ZNF682: variants seen among roughly 807,000 people sequenced by gnomAD.
The protein encoded by ZNF682 is zinc finger protein 682.
ZNF682 carries 29 observed loss-of-function variants against 36.5 expected under a neutral mutation model. That is an observed-to-expected ratio of 0.80 (90% CI 0.59 to 1.08). The LOEUF is 1.08. Ranked by LOEUF, ZNF682 falls within the 50% of genes least tolerant of loss-of-function variation. ZNF682 has a pLI of 0.00. For missense variants in ZNF682, 561 were observed against 579.7 expected (o/e 0.97, Z 0.33); for synonymous variants, 180 against 197.0 (o/e 0.91, Z 0.72).
intron 3 of ZNF682, among the ~76,000 whole-genome samples, chr19:19,999,316 A>G (rs996840082): frequency 3.9e-5 from 6 of 152,224 alleles, no homozygotes; most frequent in African/African-American, 1.4e-4. Context: ...TTGTCCCCAA[A>G]GTGTTGAAAC....
At chr19:20,020,237 C>T (rs549306971) in intron 3 of ZNF682, among the ~76,000 whole-genome samples, 1 of 152,218 alleles carries the variant, frequency 6.6e-6, no homozygotes, top group East Asian at 1.9e-4. Flanking sequence ...GTGGCTCACA[C>T]CCGTAATACC....
intron 1 of ZNF682, among the ~76,000 whole-genome samples, chr19:20,027,596 C>A (rs2088442414): frequency 6.6e-6 from 1 of 152,118 alleles, no homozygotes; most frequent in Non-Finnish European, 1.5e-5. Flanking sequence ...CTTGTCTCTA[C>A]TAAAAATACA....
chr19:20,032,035 A>G (rs1272026693), intron 1 of ZNF682, among the ~76,000 whole-genome samples: 1 of 152,232 alleles, frequency 6.6e-6, no homozygotes, highest in East Asian at 1.9e-4. Flanking sequence ...TGGCAGTAAC[A>G]AGCAGTTTCA....
At chr19:20,024,207 TC>T (rs1433801654) in intron 2 of ZNF682, 42 bp downstream of exon 2, 4 of 1,609,452 alleles carry the variant, frequency 2.5e-6, no homozygotes, top group East Asian at 2.2e-5. Flanking sequence ...GAAAATAAAA[TC>T]TTTTGTGTGA....
At chr19:20,038,513 C>T (rs2088553955) in intron 1 of ZNF682, among the ~76,000 whole-genome samples, 1 of 151,444 alleles carries the variant, frequency 6.6e-6, no homozygotes, top group African/African-American at 2.4e-5. Flanking sequence ...TTCTGTTTGT[C>T]ACACATTTGG....
In ZNF682 at chr19:20,030,296, G is replaced by A. The variant is rs139386929; in HGVS notation, c.4-5920C>T. On this transcript the variant is annotated intron_variant, in intron 1 of 3. Transcript: ENST00000397165. Reference sequence around the variant, plus strand: ...AGAAATAATAACTATAGGGCTGGGCGCGGTGGCTCATGCCTGTAATCCCAG... The same window carrying A: ...AGAAATAATAACTATAGGGCTGGGCACGGTGGCTCATGCCTGTAATCCCAG... Among the ~76,000 whole-genome samples the A allele has an allele frequency of 1.3e-3, 205 of 152,260 alleles. 1 individual carries two copies. Among genetic ancestry groups the A allele is most frequent in the Non-Finnish European group, 2.2e-3 (153 of 68,028 alleles).
At chr19:20,022,908 T>C (rs2088398377) in intron 3 of ZNF682, 96 bp downstream of exon 3, 4 of 1,017,626 alleles carry the variant, frequency 3.9e-6, no homozygotes, top group Non-Finnish European at 6.0e-6. Flanking sequence ...ATCATCTCCA[T>C]TGGAGCAGAG....
At chr19:20,022,658 T>C (rs2088395963) in intron 3 of ZNF682, among the ~76,000 whole-genome samples, 1 of 151,258 alleles carries the variant, frequency 6.6e-6, no homozygotes, top group East Asian at 1.9e-4. Flanking sequence ...AGCGAAACTC[T>C]CTCTCTCAAA....
At chr19:20,027,502 G>C (rs1475063621) in intron 1 of ZNF682, among the ~76,000 whole-genome samples, 1 of 152,216 alleles carries the variant, frequency 6.6e-6, no homozygotes, top group Non-Finnish European at 1.5e-5. Flanking sequence ...GCTCATGCCT[G>C]TAATCCCAAC....
chr19:20,029,328 C>A (rs184711759), intron 1 of ZNF682, among the ~76,000 whole-genome samples: 156 of 150,826 alleles, frequency 1.0e-3, no homozygotes, highest in Admixed American at 3.4e-3. Context: ...AGGCCAGGCA[C>A]GGTGGCTCAT....
chr19:20,006,744 C>G lies in ZNF682; in HGVS notation c.758G>C (p.Gly253Ala). Residue 253 changes from glycine (G) to alanine (A), a missense_variant, in exon 4 of 4, where the codon GGT becomes GCT. Gly to Ala is a moderately conservative substitution (Grantham distance 60). Coordinates refer to ENST00000397165, the MANE Select transcript of ZNF682 (RefSeq NM_033196.3). ...SLTKHKRIHT[G>A]EKPYKCEECG... ...TTCTTCACATTTGTAGGGTTTCTCA[C>G]CAGTATGGATTCTCTTATGTTTAGT... is the stretch of plus-strand genomic sequence containing the variant. The G allele has an allele frequency of 6.2e-7, 1 of 1,613,892 alleles. No individual in the cohort carries two copies. Among genetic ancestry groups the G allele is most frequent in the South Asian group, 1.1e-5 (1 of 91,064 alleles).
rs771201101 is a variant in ZNF682, at chr19:20,007,231, T to A, written c.271A>T (p.Met91Leu). The change falls in exon 4 of 4, where the codon ATG becomes TTG. Residue 91 changes from methionine (M) to leucine (L), a missense_variant. Physicochemically the swap from Met to Leu is conservative, Grantham distance 15 (BLOSUM62 2). Coordinates refer to ENST00000397165, the MANE Select transcript of ZNF682 (RefSeq NM_033196.3). ...YTEDLLPEQC[M>L]QDSFQKVILR... is the part of the protein sequence containing the mutation. ...ATCACTTTTTGGAATGAATCTTGCA[T>A]GCACTGTTCTGGCAAAAGGTCTTCA... is the stretch of plus-strand genomic sequence containing the variant. The A allele has an allele frequency of 5.0e-6, 8 of 1,613,252 alleles. No homozygotes were observed. In the African/African-American group the frequency reaches 8.0e-5, roughly 16 times the overall value.
At chr19:20,036,410 G>A (rs1021857184) in intron 1 of ZNF682, among the ~76,000 whole-genome samples, 7 of 151,728 alleles carry the variant, frequency 4.6e-5, no homozygotes, top group African/African-American at 7.3e-5. Context: ...TTCAGGACCA[G>A]CCTGGCCAAC....
chr19:20,006,616 G>A lies in ZNF682; in HGVS notation c.886C>T (p.Arg296Trp), dbSNP rs775263786. Residue 296 changes from arginine to tryptophan, a missense_variant, in exon 4 of 4, where the codon CGG becomes TGG. By Grantham distance (101) the Arg-to-Trp change is moderately radical. Coordinates refer to ENST00000397165, the MANE Select transcript of ZNF682 (RefSeq NM_033196.3). ...TTATGTTTGGTGAGATGTGAGTGCCGGTTAAACGCTCTGCCACAGTCTTCA... is the reference window on the plus strand; with the variant it reads ...TTATGTTTGGTGAGATGTGAGTGCCAGTTAAACGCTCTGCCACAGTCTTCA... ...TCEDCGRAFN[R>W]HSHLTKHKTI... is the part of the protein sequence containing the mutation. The A allele has an allele frequency of 1.9e-5, 31 of 1,613,796 alleles. No homozygotes were observed. The highest frequency in any genetic ancestry group is 6.6e-5 in the South Asian group (6 of 91,078).
chr19:19,996,402 A>G (rs1169634092), downstream of ZNF682, among the ~76,000 whole-genome samples: 3 of 152,230 alleles, frequency 2.0e-5, no homozygotes, highest in African/African-American at 7.2e-5. Flanking sequence ...TAGCAGCACT[A>G]TTTGCAATTG....
rs77612304 is a variant in ZNF682, at chr19:20,025,686, G to GA, written c.4-1311dup. ...TGCGAGACTCCATCTCAAAAAAAAA[G>GA]AAAAAAAAAAAAAGAAATTAACATG... On this transcript the variant is annotated intron_variant, in intron 1 of 3. Transcript: ENST00000397165. 7.4e-3 allele frequency among the ~76,000 whole-genome samples: 857 copies of GA among 115,708 alleles called. 8 individuals carry two copies. The highest frequency in any genetic ancestry group is 0.023 in the African/African-American group (733 of 32,276). The allele number at this position is 115,708 out of a possible 152,430, so 75.9% of individuals were successfully genotyped here. A position where few individuals can be genotyped will look rare whatever the true frequency, so the allele number is the denominator to read the frequency against.
intron 1 of ZNF682, among the ~76,000 whole-genome samples, chr19:20,036,606 C>CAAAAAA (rs71172557): frequency 1.4e-5 from 1 of 71,458 alleles, no homozygotes; most frequent in Non-Finnish European, 2.6e-5. Context: ...AACTCCATCT[C>CAAAAAA]AAAAAAAAAA....
At chr19:20,021,686 G>GTA (rs2088385486) in intron 3 of ZNF682, among the ~76,000 whole-genome samples, 1 of 152,148 alleles carries the variant, frequency 6.6e-6, no homozygotes, top group Non-Finnish European at 1.5e-5. Context: ...TTATTTGTGT[G>GTA]TATATGTATA....
At chr19:20,026,467 T>C (rs1038154793) in intron 1 of ZNF682, among the ~76,000 whole-genome samples, 2 of 151,910 alleles carry the variant, frequency 1.3e-5, no homozygotes, top group Non-Finnish European at 2.9e-5. Context: ...AAGAGAACTT[T>C]ATTTATTTAT....
Sources: allele counts gnomAD v4.1 joint callset (sites outside exome capture counted in the v4.1 genomes callset), GRCh38; gene constraint gnomAD v4.1.1; transcripts MANE v1.5; gene names NCBI Gene and HGNC (gene_info 2026-07-23, HGNC 2026-07-21).